The following CLNK variants were observed in gnomAD, a reference collection of about 807,000 sequenced individuals.
CLNK encodes cytokine-dependent hematopoietic cell linker.
Under a neutral mutation model 68.6 loss-of-function variants are expected in CLNK, and 74 were observed. That is an observed-to-expected ratio of 1.08 (90% CI 0.89 to 1.31). CLNK has a LOEUF of 1.31. CLNK is among the 50% of genes most tolerant of loss of function. The pLI, the probability that CLNK is intolerant of heterozygous loss-of-function variation, is 0.00. For missense variants in CLNK, 553 were observed against 515.3 expected (o/e 1.07, Z -0.71); for synonymous variants, 198 against 172.2 (o/e 1.15, Z -1.17).
chr4:10,523,616 A>G (rs757510455), intron 14 of CLNK, among the ~76,000 whole-genome samples: 15 of 56,234 alleles, frequency 2.7e-4, no homozygotes, highest in Non-Finnish European at 8.7e-4. Context: ...ACAAACAAAT[A>G]AACAAAAGAA....
At chr4:10,550,591 G>C (rs182539012) in intron 8 of CLNK, among the ~76,000 whole-genome samples, 1 of 152,262 alleles carries the variant, frequency 6.6e-6, no homozygotes, top group Admixed American at 6.5e-5. Flanking sequence ...ACTCACGATG[G>C]ATGTCTGAAA....
intron 15 of CLNK, among the ~76,000 whole-genome samples, chr4:10,515,590 A>G (rs941499080): frequency 9.2e-5 from 14 of 152,226 alleles, no homozygotes; most frequent in Admixed American, 7.2e-4. Flanking sequence ...AGTGAGCCTG[A>G]CACCTCATGG....
the CLNK span, among the ~76,000 whole-genome samples, chr4:10,712,185 G>A: frequency 6.6e-6 from 1 of 152,136 alleles, no homozygotes; most frequent in Non-Finnish European, 1.5e-5. Flanking sequence ...CCCTCATAAA[G>A]AGAAAGGTGA....
rs181686549 is a variant in CLNK, at chr4:10,610,750, T to C, written c.12-12701A>G. The stretch of plus-strand genomic sequence containing the variant: ...TGCCTGAAAGATTCTGGATGCGTGA[T>C]AGAAAACAACATAAAAAAGCAACAC... On this transcript the variant is annotated intron_variant, in intron 2 of 18. Transcript: ENST00000226951. Among the ~76,000 whole-genome samples, 710 of 149,160 alleles carry C rather than the reference T, an allele frequency of 4.8e-3. 3 individuals are homozygous for C. Among genetic ancestry groups the C allele is most frequent in the Non-Finnish European group, 7.0e-3 (474 of 67,572 alleles).
chr4:10,629,821 AT>A (rs1173306171), intron 2 of CLNK, among the ~76,000 whole-genome samples: 1 of 152,190 alleles, frequency 6.6e-6, no homozygotes, highest in Non-Finnish European at 1.5e-5. Flanking sequence ...TCACTGGGAA[AT>A]TCTTTTATAA....
At chr4:10,643,129 G>T (rs1723373568) in intron 2 of CLNK, among the ~76,000 whole-genome samples, 1 of 152,166 alleles carries the variant, frequency 6.6e-6, no homozygotes, top group Admixed American at 6.5e-5. Context: ...TTGTCTGCTG[G>T]CTGTGTTTCT....
chr4:10,671,157 G>T lies in CLNK; in HGVS notation c.-42-3246C>A, dbSNP rs529588011. Among the ~76,000 whole-genome samples, 12 of 152,248 alleles carry T rather than the reference G, an allele frequency of 7.9e-5. No individual in the cohort carries two copies. In the South Asian group the frequency reaches 2.3e-3, roughly 29 times the overall value. On this transcript the variant is annotated intron_variant, in intron 1 of 18. Coordinates refer to ENST00000226951, the MANE Select transcript of CLNK (RefSeq NM_052964.4). The stretch of plus-strand genomic sequence containing the variant: ...TCCCAACATTTTGGGAGGCCGAGGC[G>T]ACTGGATCACCTGAGGCCAGGAGTT...
intron 1 of CLNK, among the ~76,000 whole-genome samples, chr4:10,682,050 C>T (rs78647320): frequency 6.6e-6 from 1 of 151,856 alleles, no homozygotes; most frequent in South Asian, 2.1e-4. Flanking sequence ...ATATTCTGCC[C>T]ATAAGAGTAA....
At chr4:10,691,841 C>G in the CLNK span, among the ~76,000 whole-genome samples, 9 of 152,082 alleles carry the variant, frequency 5.9e-5, no homozygotes, top group African/African-American at 1.9e-4. Context: ...TGAAACACCG[C>G]CGAGGAATCT....
chr4:10,574,851 T>C (rs570436023), intron 4 of CLNK, among the ~76,000 whole-genome samples: 5 of 152,338 alleles, frequency 3.3e-5, no homozygotes, highest in African/African-American at 1.2e-4. Context: ...TGTTCCGTTC[T>C]GATTACTGGT....
intron 1 of CLNK, among the ~76,000 whole-genome samples, chr4:10,683,837 G>A (rs888107441): frequency 2.6e-5 from 4 of 152,154 alleles, no homozygotes; most frequent in African/African-American, 9.7e-5. Flanking sequence ...CACTATTGAG[G>A]AGCTGCGCCA....
intron 14 of CLNK, among the ~76,000 whole-genome samples, chr4:10,523,236 G>T (rs1490377760): frequency 6.6e-6 from 1 of 152,154 alleles, no homozygotes; most frequent in African/African-American, 2.4e-5. Flanking sequence ...CTTTGCAGAG[G>T]ATATTATGGG....
intron 3 of CLNK, among the ~76,000 whole-genome samples, chr4:10,586,719 G>A (rs531241358): frequency 6.6e-6 from 1 of 152,254 alleles, no homozygotes; most frequent in South Asian, 2.1e-4. Flanking sequence ...TGGATGAGCT[G>A]CACCAATTTA....
chr4:10,700,147 A>C, the CLNK span, among the ~76,000 whole-genome samples: 1 of 152,174 alleles, frequency 6.6e-6, no homozygotes, highest in African/African-American at 2.4e-5. Context: ...ATGGCTAGCT[A>C]TGGAATAAGG....
chr4:10,655,493 A>G (rs1295100049), intron 2 of CLNK, among the ~76,000 whole-genome samples: 1 of 152,128 alleles, frequency 6.6e-6, no homozygotes, highest in East Asian at 1.9e-4. Flanking sequence ...ATGAGCTACA[A>G]CAAAGTTATA....
chr4:10,701,997 G>A, the CLNK span, among the ~76,000 whole-genome samples: 9 of 152,296 alleles, frequency 5.9e-5, no homozygotes, highest in Middle Eastern at 3.4e-3. Context: ...CAGATTTTCC[G>A]CTTGGCACAC....
At chr4:10,644,975 T>G (rs1250770493) in intron 2 of CLNK, among the ~76,000 whole-genome samples, 1 of 152,204 alleles carries the variant, frequency 6.6e-6, no homozygotes, top group Admixed American at 6.5e-5. Flanking sequence ...AAGATCCCAG[T>G]TCATAGCTGG....
At position 10,489,172 on chromosome 4, in the gene CLNK, A is replaced by G. The variant is rs182400843; in HGVS notation, c.*1295T>C. On this transcript the variant is annotated 3_prime_UTR_variant, in exon 19 of 19. Coordinates refer to ENST00000226951, the MANE Select transcript of CLNK (RefSeq NM_052964.4). The stretch of plus-strand genomic sequence containing the variant: ...ATGGAGCCAGGCAAAGCAGATTACA[A>G]TCTGGGCTCTCTTCTCATATTGAGT... 3 of 152,258 alleles carry G rather than the reference A, an allele frequency of 2.0e-5. No individual in the cohort carries two copies. The highest frequency in any genetic ancestry group is 6.5e-5 in the Admixed American group (1 of 15,288). The allele number at this position is 152,258 out of a possible 1,614,324, so 9.4% of individuals were successfully genotyped here. A position where few individuals can be genotyped will look rare whatever the true frequency, so the allele number is the denominator to read the frequency against.
intron 1 of CLNK, among the ~76,000 whole-genome samples, chr4:10,672,416 C>G (rs1375488353): frequency 6.6e-6 from 1 of 152,158 alleles, no homozygotes; most frequent in Non-Finnish European, 1.5e-5. Flanking sequence ...GGTAATACAA[C>G]AGCTACCCTT....
Sources: gnomAD v4.1 joint callset for allele counts (sites outside exome capture counted in the v4.1 genomes callset) on GRCh38, gnomAD v4.1.1 for gene constraint, MANE v1.5 for transcripts, NCBI Gene and HGNC (gene_info 2026-07-23, HGNC 2026-07-21) for gene names.